COL4A4: variants seen among roughly 807,000 people sequenced by gnomAD.
COL4A4 encodes collagen alpha-4(IV) chain.
COL4A4 carries 105 observed loss-of-function variants against 192.9 expected under a neutral mutation model. That is an observed-to-expected ratio of 0.54 (90% CI 0.46 to 0.64). The LOEUF is 0.64. Among genes scored for constraint, COL4A4 ranks in the 30% least tolerant of loss-of-function variants. The probability of loss-of-function intolerance (pLI) is 0.00; values close to 1 mark genes in which losing one functional copy is unlikely to be tolerated. For missense variants in COL4A4, 1,967 were observed against 2,169.3 expected, an observed-to-expected ratio of 0.91 and a Z score of 1.85; for synonymous variants, 762 against 769.9, an observed-to-expected ratio of 0.99 and a Z score of 0.17.
chr2:227,120,744 C>A, intron 5 of COL4A4: 1 of 379,588 alleles, frequency 2.6e-6, no homozygotes. Flanking sequence ...TCGAGACCAG[C>A]CTGGCCAATA....
chr2:227,059,635 CA>C lies in COL4A4; in HGVS notation c.2165-13del, dbSNP rs140965334. 6,717 of 1,603,304 alleles carry C rather than the reference CA, an allele frequency of 4.2e-3. 217 individuals are homozygous for C. In the African/African-American group the frequency reaches 0.077, roughly 18 times the overall value. ...GTCACCACGAAAACCTATTTAACAACAAAAAAAAATTTTTAATGATAACATG... is the reference window on the plus strand; with the variant it reads ...GTCACCACGAAAACCTATTTAACAACAAAAAAAATTTTTAATGATAACATG... On this transcript the variant is annotated splice_polypyrimidine_tract_variant and intron_variant, in intron 27 of 47. Coordinates refer to ENST00000396625, the MANE Select transcript of COL4A4 (RefSeq NM_000092.5).
At chr2:226,999,908 C>T (rs116383794), downstream of COL4A4, among the ~76,000 whole-genome samples, 3 of 152,196 alleles carry the variant, frequency 2.0e-5, no homozygotes, top group African/African-American at 7.2e-5. Flanking sequence ...TGTGAAATTA[C>T]TGTGTCTTTC....
intron 46 of COL4A4, among the ~76,000 whole-genome samples, chr2:227,009,246 TGA>T (rs1280365251): frequency 6.6e-6 from 1 of 152,156 alleles, no homozygotes; most frequent in Non-Finnish European, 1.5e-5. Context: ...CACTGCCTAG[TGA>T]GAGCAATGGC....
chr2:227,006,645 C>T lies in COL4A4; in HGVS notation c.*680G>A, dbSNP rs889591823. On this transcript the variant is annotated 3_prime_UTR_variant, in exon 48 of 48. Coordinates refer to ENST00000396625, the MANE Select transcript of COL4A4 (RefSeq NM_000092.5). ...AGAAGAGAACATAATGTTTTATATT[C>T]ATCTGTGATGTGTTTATGCTAATGT... 2.0e-5 allele frequency: 3 copies of T among 152,276 alleles called. No homozygotes were observed. Among genetic ancestry groups the T allele is most frequent in the Non-Finnish European group, 2.9e-5 (2 of 68,204 alleles). 9.4% of individuals were successfully genotyped at this position (152,276 alleles called of 1,614,324 possible).
chr2:227,099,774 T>C (rs920023234), intron 17 of COL4A4, 85 bp from the exon 18 acceptor site: 57 of 1,147,914 alleles, frequency 5.0e-5, no homozygotes, highest in Non-Finnish European at 6.1e-5. Flanking sequence ...AGAACGATCA[T>C]GTGCACATTC....
chr2:227,031,049 G>GGATGGATGGATA (rs1372117561), intron 40 of COL4A4, among the ~76,000 whole-genome samples: 2 of 151,552 alleles, frequency 1.3e-5, no homozygotes, highest in African/African-American at 4.9e-5. Flanking sequence ...ACAGATGGAT[G>GGATGGATGGATA]GATGGATGGA....
intron 19 of COL4A4, among the ~76,000 whole-genome samples, chr2:227,095,462 TAGTGTA>T (rs2060161703): frequency 6.6e-6 from 1 of 152,138 alleles, no homozygotes; most frequent in Non-Finnish European, 1.5e-5. Context: ...GTAAGAAGCT[TAGTGTA>T]ACATCCAGCA....
At chr2:226,988,184 A>G in the COL4A4 span, 2 of 660,264 alleles carry the variant, frequency 3.0e-6, no homozygotes, top group South Asian at 2.5e-5. Context: ...TCTTTTTAAA[A>G]TAATGTAATT....
chr2:227,001,691 C>T (rs151052153), downstream of COL4A4, among the ~76,000 whole-genome samples: 121 of 152,280 alleles, frequency 7.9e-4, no homozygotes, highest in African/African-American at 2.8e-3. Context: ...TAGTTATTCT[C>T]TCTAAAGCTC....
chr2:227,159,486 A>T (rs2064639184), intron 1 of COL4A4, among the ~76,000 whole-genome samples: 1 of 152,232 alleles, frequency 6.6e-6, no homozygotes, highest in South Asian at 2.1e-4. Context: ...ATTATACCTC[A>T]AGAAATATAC....
At chr2:226,992,185 G>A in the COL4A4 span, among the ~76,000 whole-genome samples, 3 of 152,218 alleles carry the variant, frequency 2.0e-5, no homozygotes, top group Non-Finnish European at 4.4e-5. Flanking sequence ...GGAAGTAGAA[G>A]ACAGAGTGTA....
chr2:227,040,526 CT>C (rs1970560099), intron 37 of COL4A4, among the ~76,000 whole-genome samples: 1 of 151,716 alleles, frequency 6.6e-6, no homozygotes, highest in Non-Finnish European at 1.5e-5. Flanking sequence ...AAGTGTTATG[CT>C]AAAGATATGT....
At chr2:227,028,545 G>C (rs955028814) in intron 41 of COL4A4, among the ~76,000 whole-genome samples, 1 of 151,990 alleles carries the variant, frequency 6.6e-6, no homozygotes, top group Non-Finnish European at 1.5e-5. Context: ...GTTGCTTTTT[G>C]ATAAGCTCTT....
intron 25 of COL4A4, among the ~76,000 whole-genome samples, chr2:227,064,215 A>C (rs1294040248): frequency 6.6e-6 from 1 of 152,228 alleles, no homozygotes; most frequent in Non-Finnish European, 1.5e-5. Flanking sequence ...AGATATCATC[A>C]AGAAAAACTA....
Position 227,087,609 on chromosome 2 carries a change from GCAC to G in COL4A4, c.1623+1041_1623+1043del, listed in dbSNP as rs560704343. Among the ~76,000 whole-genome samples, 4 of 152,160 alleles carry G rather than the reference GCAC, an allele frequency of 2.6e-5. No homozygotes were observed. In the South Asian group the frequency reaches 6.2e-4, roughly 24 times the overall value. On this transcript the variant is annotated intron_variant, in intron 22 of 47. Coordinates refer to ENST00000396625, the MANE Select transcript of COL4A4 (RefSeq NM_000092.5). ...ATCTGACCACCTTGCACCACACCCA[GCAC>G]CACCACATTAAGGCATTGGCTGTCA...
intron 19 of COL4A4, 95 bp from the exon 20 acceptor site, chr2:227,094,384 C>A: frequency 7.6e-7 from 1 of 1,319,836 alleles, no homozygotes; most frequent in Non-Finnish European, 1.1e-6. Flanking sequence ...CTTAGGTTAT[C>A]GAATTTTTTA....
intron 19 of COL4A4, among the ~76,000 whole-genome samples, chr2:227,096,237 C>A (rs559695675): frequency 6.6e-6 from 1 of 152,136 alleles, no homozygotes; most frequent in Admixed American, 6.5e-5. Flanking sequence ...TAGTACAGAG[C>A]CCACCCAGGG....
Position 227,114,505 on chromosome 2 carries a change from G to A in COL4A4, c.558+123C>T, listed in dbSNP as rs2061382758. The A allele has an allele frequency of 3.7e-6, 3 of 810,458 alleles. No individual in the cohort carries two copies. In the Admixed American group the frequency reaches 5.2e-5, roughly 14 times the overall value. The allele number at this position is 810,458 out of a possible 1,614,324, so 50.2% of individuals were successfully genotyped here. A position where few individuals can be genotyped will look rare whatever the true frequency, so the allele number is the denominator to read the frequency against. On this transcript the variant is annotated intron_variant, in intron 8 of 47. Coordinates refer to ENST00000396625, the MANE Select transcript of COL4A4 (RefSeq NM_000092.5). ...CATGATGCCATCCCTGAGGGTCAGGGTAATGATAAAAATTGGTGTATTCAG... is the reference window on the plus strand; with the variant it reads ...CATGATGCCATCCCTGAGGGTCAGGATAATGATAAAAATTGGTGTATTCAG...
In COL4A4 at chr2:227,041,836, GAAAGAAAGAAAGAGAA is replaced by G. The variant is rs1295710997; in HGVS notation, c.3505+296_3505+311del. ...AGAAAGAAAGAAAGAAAGAAAGAAA[GAAAGAAAGAAAGAGAA>G]AGAAAGAAAGAAAGAAAGAAAGAAA... On this transcript the variant is annotated intron_variant, in intron 37 of 47. Transcript: ENST00000396625. 5.1e-3 allele frequency among the ~76,000 whole-genome samples: 257 copies of G among 50,076 alleles called. 3 individuals are homozygous for G. Among genetic ancestry groups the G allele is most frequent in the Non-Finnish European group, 6.2e-3 (173 of 28,050 alleles). 32.9% of individuals were successfully genotyped at this position (50,076 alleles called of 152,430 possible).
Sources: allele counts gnomAD v4.1 joint callset (sites outside exome capture counted in the v4.1 genomes callset), GRCh38; gene constraint gnomAD v4.1.1; transcripts MANE v1.5; gene names NCBI Gene and HGNC (gene_info 2026-07-23, HGNC 2026-07-21).